ABCB11: variants seen among roughly 807,000 people sequenced by gnomAD.
ABCB11 encodes the protein ATP binding cassette subfamily B member 11.
A neutral mutation model predicts 148.0 loss-of-function variants in ABCB11; 95 were observed. The ratio of observed to expected loss-of-function variants is 0.64; its 90% CI spans 0.54 to 0.76. ABCB11 has a LOEUF of 0.76. Among genes scored for constraint, ABCB11 ranks in the 30% least tolerant of loss-of-function variants. ABCB11 has a pLI of 0.00. For synonymous variants in ABCB11, 591 were observed against 555.4 expected, an observed-to-expected ratio of 1.06 and a Z score of -0.90; for missense variants, 1,523 against 1,617.8, an observed-to-expected ratio of 0.94 and a Z score of 1.01.
intron 12 of ABCB11, among the ~76,000 whole-genome samples, chr2:168,975,847 AGTTAG>A (rs1163140896): frequency 1.0e-4 from 15 of 148,746 alleles, no homozygotes; most frequent in Non-Finnish European, 1.6e-4. Context: ...GTCAGAATTA[AGTTAG>A]GCTAACAAAA....
rs748248513 is a variant in ABCB11, at chr2:168,970,234, C to T, written c.1639-19G>A. 3.1e-6 allele frequency: 5 copies of T among 1,606,248 alleles called. No individual in the cohort carries two copies. The highest frequency in any genetic ancestry group is 4.3e-6 in the Non-Finnish European group (5 of 1,175,806). On this transcript the variant is annotated intron_variant, in intron 14 of 27. Coordinates refer to ENST00000650372, the MANE Select transcript of ABCB11 (RefSeq NM_003742.4). ...CAAATTGCTAGATGGAAGGTGACAC[C>T]AGTCATGAAGGGAAAAGAATTTGAT...
At chr2:168,993,676 T>C in intron 8 of ABCB11, 35 bp downstream of exon 8, 1 of 1,587,246 alleles carries the variant, frequency 6.3e-7, no homozygotes, top group Non-Finnish European at 8.6e-7. Flanking sequence ...AAGGCAAATG[T>C]CTTCCCATGG....
Position 169,020,122 on chromosome 2 carries a change from T to A in ABCB11, c.-27-1970A>T, listed in dbSNP as rs557237417. Among the ~76,000 whole-genome samples, 39 of 152,266 alleles carry A rather than the reference T, an allele frequency of 2.6e-4. No individual in the cohort carries two copies. In the South Asian group the frequency reaches 7.9e-3, roughly 31 times the overall value. On this transcript the variant is annotated intron_variant, in intron 1 of 27. Transcript: ENST00000650372. ...ACTCTACACAGTATGTAGATATGAG[T>A]GTAACTTGAACACAAGATAAGGTGT...
At chr2:168,938,951 CT>C (rs1691949766) in intron 21 of ABCB11, among the ~76,000 whole-genome samples, 1 of 151,744 alleles carries the variant, frequency 6.6e-6, no homozygotes, top group South Asian at 2.1e-4. Context: ...CTACATATTA[CT>C]TTGTACTTTG....
intron 23 of ABCB11, 53 bp from the exon 24 acceptor site, chr2:168,932,586 T>G: frequency 6.3e-7 from 1 of 1,592,338 alleles, no homozygotes; most frequent in Non-Finnish European, 8.6e-7. Flanking sequence ...GTTGGTGTGA[T>G]GACCTGAAGG....
Position 168,970,479 on chromosome 2 carries a change from G to T in ABCB11, c.1639-264C>A, listed in dbSNP as rs34882395. The T allele has an allele frequency of 0.082, 73,466 of 897,554 alleles. 3,369 individuals carry two copies. Among genetic ancestry groups the T allele is most frequent in the Middle Eastern group, 0.098 (389 of 3,986 alleles). 55.6% of individuals were successfully genotyped at this position (897,554 alleles called of 1,614,324 possible). A position where few individuals can be genotyped will look rare whatever the true frequency, so the allele number is the denominator to read the frequency against. On this transcript the variant is annotated intron_variant, in intron 14 of 27. Coordinates refer to ENST00000650372, the MANE Select transcript of ABCB11 (RefSeq NM_003742.4). The stretch of plus-strand genomic sequence containing the variant: ...TCCTCTTTAGCTCAACTTCAAATAA[G>T]ATTTTTCAACCAAAATAAAAATTGG...
At chr2:169,014,263 G>A (rs781583216) in intron 4 of ABCB11, 40 bp downstream of exon 4, 2 of 1,585,140 alleles carry the variant, frequency 1.3e-6, no homozygotes, top group Non-Finnish European at 1.7e-6. Context: ...ACAATTTATA[G>A]CTGCACACCC....
intron 2 of ABCB11, 95 bp downstream of exon 2, chr2:169,017,955 G>T (rs1285217566): frequency 2.9e-6 from 3 of 1,035,766 alleles, no homozygotes; most frequent in Admixed American, 1.7e-5. Context: ...TACTGTTGCT[G>T]ATTTTTTTCT....
chr2:168,988,247 T>C (rs1198802277), intron 9 of ABCB11, among the ~76,000 whole-genome samples: 2 of 152,106 alleles, frequency 1.3e-5, no homozygotes, highest in Non-Finnish European at 2.9e-5. Context: ...TTGAATCCTT[T>C]GACCAACGTC....
chr2:168,978,504 A>C (rs1184032095), intron 11 of ABCB11, among the ~76,000 whole-genome samples: 1 of 152,064 alleles, frequency 6.6e-6, no homozygotes, highest in Non-Finnish European at 1.5e-5. Context: ...CCCAAATTAT[A>C]AAACAGATAA....
At chr2:168,954,255 TTC>T (rs35960929) in intron 19 of ABCB11, among the ~76,000 whole-genome samples, 70,826 of 150,870 alleles carry the variant, frequency 0.47, 18,053 homozygotes, top group South Asian at 0.66. Flanking sequence ...TTTGATGAAA[TTC>T]TGTTATGCCA....
intron 5 of ABCB11, among the ~76,000 whole-genome samples, chr2:169,006,829 C>T (rs759016829): frequency 2.0e-4 from 30 of 152,066 alleles, no homozygotes; most frequent in South Asian, 4.1e-4. Context: ...TAATAAAATA[C>T]GTAGCAATCA....
At chr2:168,990,780 A>G in intron 9 of ABCB11, 21 bp downstream of exon 9, 1 of 1,612,014 alleles carries the variant, frequency 6.2e-7, no homozygotes, top group South Asian at 1.1e-5. Flanking sequence ...TAAGGAAAGA[A>G]TCAGATTCCA....
intron 9 of ABCB11, 54 bp downstream of exon 9, chr2:168,990,747 G>C (rs1484650476): frequency 1.2e-6 from 2 of 1,605,004 alleles, no homozygotes; most frequent in Non-Finnish European, 8.5e-7. Flanking sequence ...AGAGACTCAG[G>C]GTACTATGCT....
chr2:168,943,848 A>T (rs1318897924), intron 21 of ABCB11, among the ~76,000 whole-genome samples: 2 of 151,850 alleles, frequency 1.3e-5, no homozygotes, highest in Admixed American at 6.6e-5. Context: ...TGTACTTAAA[A>T]TTTTTTTCCT....
At chr2:168,951,785 G>A (rs1348182385) in intron 19 of ABCB11, among the ~76,000 whole-genome samples, 1 of 151,470 alleles carries the variant, frequency 6.6e-6, no homozygotes, top group Non-Finnish European at 1.5e-5. Context: ...CCAGTACTAT[G>A]TTAAATAAGA....
At chr2:169,024,537 A>ATTATTAGTATTAATGTCTTACG (rs1447743875) in intron 1 of ABCB11, among the ~76,000 whole-genome samples, 6 of 148,360 alleles carry the variant, frequency 4.0e-5, no homozygotes, top group Non-Finnish European at 9.0e-5. Context: ...AATGTCTTAC[A>ATTATTAGTATTAATGTCTTACG]TTAGTATTAA....
At chr2:168,939,651 T>C (rs1691976265) in intron 21 of ABCB11, among the ~76,000 whole-genome samples, 1 of 152,002 alleles carries the variant, frequency 6.6e-6, no homozygotes, top group African/African-American at 2.4e-5. Context: ...CTAGCTAATA[T>C]AATAAGAAAA....
intron 5 of ABCB11, among the ~76,000 whole-genome samples, chr2:169,003,437 A>T (rs1694937943): frequency 6.6e-6 from 1 of 150,436 alleles, no homozygotes; most frequent in Admixed American, 6.6e-5. Context: ...TATATATCAT[A>T]TCTGTATCAT....
Sources: gnomAD v4.1 joint callset for allele counts (sites outside exome capture counted in the v4.1 genomes callset) on GRCh38, gnomAD v4.1.1 for gene constraint, MANE v1.5 for transcripts, NCBI Gene and HGNC (gene_info 2026-07-23, HGNC 2026-07-21) for gene names.